KDM4D: variants seen among roughly 807,000 people sequenced by gnomAD.
The protein encoded by KDM4D is lysine-specific demethylase 4D.
For synonymous variants in KDM4D, 254 were observed against 249.1 expected, an observed-to-expected ratio of 1.02 and a Z score of -0.19; for missense variants, 427 against 674.8, an observed-to-expected ratio of 0.63 and a Z score of 4.07.
intron 2 of KDM4D, among the ~76,000 whole-genome samples, chr11:94,984,338 T>C (rs1857867104): frequency 6.6e-6 from 1 of 150,482 alleles, no homozygotes; most frequent in African/African-American, 2.5e-5. Context: ...CTACAAAAAA[T>C]AGAAAAATTA....
intron 2 of KDM4D, among the ~76,000 whole-genome samples, chr11:94,981,491 A>G (rs1218080610): frequency 6.6e-6 from 1 of 151,968 alleles, no homozygotes; most frequent in Non-Finnish European, 1.5e-5. Context: ...TTTTCTGGGA[A>G]GAGTTTTACC....
rs782652405 is a variant in KDM4D at position 94,997,774 on chromosome 11, G to A, written c.402G>A (p.Pro134=). ...KYWKNRIYNS[P]IYGADISGSL... ...GGAAGAACCGCATCTATAATTCACC[G>A]ATTTATGGTGCTGACATCAGTGGCT... Residue 134 remains proline, a synonymous_variant, in exon 3 of 3, where the codon CCG becomes CCA. Transcript: ENST00000335080. 23 of 1,614,100 alleles carry A rather than the reference G, an allele frequency of 1.4e-5. No individual in the cohort carries two copies. Among genetic ancestry groups the A allele is most frequent in the South Asian group, 1.1e-5 (1 of 91,088 alleles).
intron 2 of KDM4D, among the ~76,000 whole-genome samples, chr11:94,991,609 CAAAGAG>C (rs1331202301): frequency 2.7e-5 from 4 of 150,892 alleles, no homozygotes; most frequent in African/African-American, 9.7e-5. Context: ...ATGAAAAAGA[CAAAGAG>C]AAAGGAAGTT....
chr11:94,989,570 G>T (rs1260417297), intron 2 of KDM4D, among the ~76,000 whole-genome samples: 1 of 152,048 alleles, frequency 6.6e-6, no homozygotes, highest in Non-Finnish European at 1.5e-5. Flanking sequence ...CCAAACTTTG[G>T]GTTTTATGTC....
At chr11:94,985,411 T>C (rs2134111607) in intron 2 of KDM4D, among the ~76,000 whole-genome samples, 1 of 152,308 alleles carries the variant, frequency 6.6e-6, no homozygotes, top group African/African-American at 2.4e-5. Flanking sequence ...GTGCAAGACA[T>C]ATACTGGGAA....
At chr11:94,986,628 C>T (rs141967885) in intron 2 of KDM4D, among the ~76,000 whole-genome samples, 5 of 152,074 alleles carry the variant, frequency 3.3e-5, no homozygotes, top group Admixed American at 6.6e-5. Flanking sequence ...ACAAAAATTA[C>T]GACTTTTTAC....
At chr11:94,986,842 G>A (rs1307455902) in intron 2 of KDM4D, among the ~76,000 whole-genome samples, 11 of 152,034 alleles carry the variant, frequency 7.2e-5, no homozygotes, top group Admixed American at 2.0e-4. Flanking sequence ...ATAAAAACAC[G>A]TTCACACATA....
chr11:94,997,449 A>G lies in KDM4D; in HGVS notation c.77A>G (p.Glu26Gly). Reference sequence around the variant, plus strand: ...ATAATGATATTTCATCCAACCAAAGAAGAGTTTAATGATTTTGATAAATAT... The same window carrying G: ...ATAATGATATTTCATCCAACCAAAGGAGAGTTTAATGATTTTGATAAATAT... ...CNIMIFHPTK[E>G]EFNDFDKYIA... is the part of the protein sequence containing the mutation. Residue 26 changes from glutamate to glycine, a missense_variant, in exon 3 of 3, where the codon GAA (glutamate) becomes GGA (glycine). Coordinates refer to ENST00000335080, the MANE Select transcript of KDM4D (RefSeq NM_018039.3). 1.2e-6 allele frequency: 2 copies of G among 1,613,834 alleles called. No individual in the cohort carries two copies. The highest frequency in any genetic ancestry group is 8.5e-7 in the Non-Finnish European group (1 of 1,179,712).
intron 2 of KDM4D, among the ~76,000 whole-genome samples, chr11:94,978,697 TAAAACTAA>T (rs1351380222): frequency 2.6e-5 from 4 of 152,242 alleles, no homozygotes; most frequent in African/African-American, 9.6e-5. Context: ...TAAAAATAGT[TAAAACTAA>T]AAAACTAAAA....
intron 2 of KDM4D, among the ~76,000 whole-genome samples, chr11:94,984,331 C>T (rs1857867038): frequency 6.6e-6 from 1 of 151,428 alleles, no homozygotes; most frequent in Non-Finnish European, 1.5e-5. Flanking sequence ...CCTGTCTCTA[C>T]AAAAAATAGA....
intron 2 of KDM4D, among the ~76,000 whole-genome samples, chr11:94,996,127 A>G (rs1857974140): frequency 6.6e-6 from 1 of 152,166 alleles, no homozygotes; most frequent in African/African-American, 2.4e-5. Context: ...TTGAATGTAT[A>G]GTTTATTTTC....
At chr11:94,995,422 G>C (rs903303546) in intron 2 of KDM4D, among the ~76,000 whole-genome samples, 31 of 152,164 alleles carry the variant, frequency 2.0e-4, no homozygotes, top group African/African-American at 7.2e-4. Flanking sequence ...AGTGGCAAGA[G>C]AACTACAGGA....
In KDM4D at chr11:94,997,678, C is replaced by T. The variant is rs1246747505; in HGVS notation, c.306C>T (p.Arg102=). The T allele has an allele frequency of 1.2e-6, 2 of 1,614,052 alleles. No homozygotes were observed. The highest frequency in any genetic ancestry group is 1.7e-6 in the Non-Finnish European group (2 of 1,180,034). The change falls in exon 3 of 3, where the codon CGC becomes CGT. Residue 102 remains arginine, a synonymous_variant. Coordinates refer to ENST00000335080, the MANE Select transcript of KDM4D (RefSeq NM_018039.3). The part of the protein sequence containing the change: ...KKKAMTVGEY[R]HLANSKKYQT... ...AAGCCATGACTGTGGGGGAGTATCGCCATTTGGCAAACAGTAAAAAATATC... is the reference window on the plus strand; with the variant it reads ...AAGCCATGACTGTGGGGGAGTATCGTCATTTGGCAAACAGTAAAAAATATC...
intron 2 of KDM4D, among the ~76,000 whole-genome samples, chr11:94,977,662 AATTAT>A (rs1251824130): frequency 2.0e-5 from 3 of 152,012 alleles, no homozygotes; most frequent in Non-Finnish European, 2.9e-5. Flanking sequence ...TATCTTTTAA[AATTAT>A]ATTATATATA....
At position 94,997,473 on chromosome 11, in the gene KDM4D, A is replaced by T; in HGVS notation, c.101A>T (p.Tyr34Phe). ...GAAGAGTTTAATGATTTTGATAAAT[A>T]TATTGCTTACATGGAATCCCAAGGT... ...TKEEFNDFDK[Y>F]IAYMESQGAH... is the part of the protein sequence containing the mutation. Residue 34 changes from tyrosine (Y) to phenylalanine (F), a missense_variant, in exon 3 of 3, where the codon TAT becomes TTT. Physicochemically the swap from Tyr to Phe is conservative, Grantham distance 22 (BLOSUM62 3). Transcript: ENST00000335080. 18 of 1,614,156 alleles carry T rather than the reference A, an allele frequency of 1.1e-5. No homozygotes were observed. Among genetic ancestry groups the T allele is most frequent in the Non-Finnish European group, 1.5e-5 (18 of 1,179,982 alleles).
At chr11:94,974,354 A>G (rs978219315) in intron 1 of KDM4D, among the ~76,000 whole-genome samples, 4 of 152,230 alleles carry the variant, frequency 2.6e-5, no homozygotes, top group Non-Finnish European at 1.5e-5. Context: ...CTGAGAATAG[A>G]GATCTTGGTT....
intron 2 of KDM4D, among the ~76,000 whole-genome samples, chr11:94,996,090 C>T (rs1483351678): frequency 2.0e-5 from 3 of 152,170 alleles, no homozygotes; most frequent in Admixed American, 2.0e-4. Flanking sequence ...CTCTTTCTTT[C>T]CCTTAACTCT....
rs35239329 is a variant in KDM4D, at chr11:94,984,693, TAAAA to T, written c.-350+8966_-350+8969del. Among the ~76,000 whole-genome samples the T allele has an allele frequency of 9.3e-3, 814 of 87,754 alleles. 9 individuals are homozygous for T. Among genetic ancestry groups the T allele is most frequent in the African/African-American group, 0.035 (772 of 22,280 alleles). 57.6% of individuals were successfully genotyped at this position (87,754 alleles called of 152,430 possible). A position where few individuals can be genotyped will look rare whatever the true frequency, so the allele number is the denominator to read the frequency against. On this transcript the variant is annotated intron_variant, in intron 2 of 2. Transcript: ENST00000335080. ...CAACATGGTGAAACCCCATCTCTAC[TAAAA>T]AAAAAAAAAAAAAAAAAAAATTAGC...
Position 94,998,690 on chromosome 11 carries a change from T to G in KDM4D, c.1318T>G (p.Ser440Ala), listed in dbSNP as rs376892754. ...SSTPSSTPGP[S>A]AQIIHPSNGR... ...AACTCCATCATCCACCCCTGGTCCA[T>G]CTGCACAGATTATCCACCCGTCAAA... Residue 440 changes from serine (S) to alanine (A), a missense_variant, in exon 3 of 3, where the codon TCT (serine) becomes GCT (alanine). Ser to Ala is a moderately conservative substitution (Grantham distance 99). Transcript: ENST00000335080. This position sits in a 1 kb window ranked among gnomAD's most constrained non-coding sequence, Gnocchi z 6.7. 6.2e-7 allele frequency: 1 copy of G among 1,614,168 alleles called. No homozygotes were observed. The highest frequency in any genetic ancestry group is 1.7e-5 in the Admixed American group (1 of 60,024).
Sources: gnomAD v4.1 joint callset for allele counts (sites outside exome capture counted in the v4.1 genomes callset) on GRCh38, gnomAD v4.1.1 for gene constraint, Gnocchi (gnomAD v3.1) non-coding constraint, MANE v1.5 for transcripts, NCBI Gene and HGNC (gene_info 2026-07-23, HGNC 2026-07-21) for gene names.